SGCD: variants seen among roughly 807,000 people sequenced by gnomAD.
The protein encoded by SGCD is delta-sarcoglycan.
A neutral mutation model predicts 36.6 loss-of-function variants in SGCD; 18 were observed. The observed-to-expected ratio is 0.49, with a 90% CI of 0.34 to 0.73. The LOEUF is 0.73. SGCD is among the 30% of genes least tolerant of loss of function. The pLI is 0.01. For synonymous variants in SGCD, 133 were observed against 130.6 expected (o/e 1.02, Z -0.12); for missense variants, 387 against 346.7 (o/e 1.12, Z -0.92).
At chr5:156,299,996 C>T (rs1767010667) in intron 3 of SGCD, among the ~76,000 whole-genome samples, 1 of 151,904 alleles carries the variant, frequency 6.6e-6, no homozygotes, top group Admixed American at 6.6e-5. Context: ...AAGTGGGTAT[C>T]CTTGTCATGT....
At chr5:156,392,386 C>T (rs13170905) in intron 3 of SGCD, among the ~76,000 whole-genome samples, 1 of 152,140 alleles carries the variant, frequency 6.6e-6, no homozygotes. Context: ...CCTCTTAGGA[C>T]GTTCCATGAG....
intron 1 of SGCD, among the ~76,000 whole-genome samples, chr5:156,104,681 T>G (rs764578753): frequency 2.0e-5 from 3 of 152,214 alleles, no homozygotes; most frequent in Non-Finnish European, 2.9e-5. Context: ...AATCATAATG[T>G]GTCAGCAGTT....
chr5:155,778,340 C>G, the SGCD span, among the ~76,000 whole-genome samples: 1 of 152,122 alleles, frequency 6.6e-6, no homozygotes, highest in Non-Finnish European at 1.5e-5. Flanking sequence ...CTCTATTACA[C>G]TTAAATTGTT....
At chr5:155,987,645 A>T (rs549861101) in intron 1 of SGCD, among the ~76,000 whole-genome samples, 5 of 152,254 alleles carry the variant, frequency 3.3e-5, no homozygotes, top group Non-Finnish European at 7.4e-5. Flanking sequence ...TTTCAATTTT[A>T]CTGTCTGCCA....
chr5:156,396,739 C>T (rs1771871553), intron 3 of SGCD, among the ~76,000 whole-genome samples: 1 of 152,132 alleles, frequency 6.6e-6, no homozygotes, highest in Non-Finnish European at 1.5e-5. Context: ...GCTTACACTG[C>T]CTGACATCTT....
chr5:156,375,339 C>T (rs1293338188), intron 3 of SGCD, among the ~76,000 whole-genome samples: 1 of 150,746 alleles, frequency 6.6e-6, no homozygotes, highest in East Asian at 1.9e-4. Context: ...ATTCTATTAT[C>T]TGATCCACAG....
At chr5:156,131,400 A>G (rs987372624) in intron 3 of SGCD, among the ~76,000 whole-genome samples, 8 of 152,234 alleles carry the variant, frequency 5.3e-5, no homozygotes, top group African/African-American at 1.9e-4. Flanking sequence ...ATAACAAAGT[A>G]AGGATTAAAT....
chr5:156,135,252 T>A (rs1309878016), intron 3 of SGCD, among the ~76,000 whole-genome samples: 1 of 152,212 alleles, frequency 6.6e-6, no homozygotes, highest in Non-Finnish European at 1.5e-5. Context: ...CTGTCCTAAC[T>A]TTTCCATCTG....
At chr5:156,423,152 T>TA (rs1561685088) in intron 3 of SGCD, among the ~76,000 whole-genome samples, 14 of 80,516 alleles carry the variant, frequency 1.7e-4, no homozygotes, top group East Asian at 6.9e-4. Context: ...ATTTAATTAA[T>TA]TATTTAAATA....
At chr5:156,544,063 C>T (rs1254768675) in intron 4 of SGCD, among the ~76,000 whole-genome samples, 1 of 152,210 alleles carries the variant, frequency 6.6e-6, no homozygotes. Context: ...TGTTTATACA[C>T]AGAAGTGAGG....
At chr5:155,809,453 C>T in the SGCD span, among the ~76,000 whole-genome samples, 14 of 152,268 alleles carry the variant, frequency 9.2e-5, no homozygotes, top group South Asian at 4.1e-4. Context: ...TGAGTTATGT[C>T]GCCAGCTTTT....
chr5:156,346,720 G>T (rs1316474078), intron 3 of SGCD, among the ~76,000 whole-genome samples: 1 of 152,130 alleles, frequency 6.6e-6, no homozygotes, highest in Non-Finnish European at 1.5e-5. Context: ...GAGTATTAGA[G>T]CACATTAGCT....
intron 1 of SGCD, among the ~76,000 whole-genome samples, chr5:155,938,627 G>A (rs1006335759): frequency 2.6e-5 from 4 of 152,150 alleles, no homozygotes; most frequent in African/African-American, 9.7e-5. Flanking sequence ...TTTCCCATAA[G>A]CTAGTAGCTG....
At chr5:155,860,540 C>T in the SGCD span, among the ~76,000 whole-genome samples, 2 of 152,136 alleles carry the variant, frequency 1.3e-5, no homozygotes, top group African/African-American at 2.4e-5. Flanking sequence ...GATACTAAAA[C>T]AAGAAGGATG....
intron 7 of SGCD, among the ~76,000 whole-genome samples, chr5:156,734,002 C>T (rs1756218422): frequency 6.6e-6 from 1 of 151,962 alleles, no homozygotes; most frequent in Non-Finnish European, 1.5e-5. Flanking sequence ...TATGTGGTTG[C>T]TTTATATTGT....
At chr5:156,010,691 A>G (rs932143046) in intron 1 of SGCD, among the ~76,000 whole-genome samples, 16 of 152,226 alleles carry the variant, frequency 1.1e-4, no homozygotes, top group Non-Finnish European at 1.6e-4. Flanking sequence ...TCTTTGGCAC[A>G]AACTTGGAAT....
At chr5:155,989,147 G>A (rs1207071886) in intron 1 of SGCD, among the ~76,000 whole-genome samples, 2 of 152,172 alleles carry the variant, frequency 1.3e-5, no homozygotes, top group Non-Finnish European at 2.9e-5. Context: ...ACCCACTGAA[G>A]TTAGCTGCTA....
intron 3 of SGCD, among the ~76,000 whole-genome samples, chr5:156,177,664 C>T (rs1763506073): frequency 6.6e-6 from 1 of 152,078 alleles, no homozygotes; most frequent in African/African-American, 2.4e-5. Context: ...CATGAAATTA[C>T]CATTGAGATA....
intron 6 of SGCD, among the ~76,000 whole-genome samples, chr5:156,606,344 T>C (rs1431831512): frequency 6.6e-6 from 1 of 152,060 alleles, no homozygotes; most frequent in African/African-American, 2.4e-5. Context: ...ATGTCAAAGA[T>C]CAGATAGTTG....
Sources: gnomAD v4.1 joint callset for allele counts (sites outside exome capture counted in the v4.1 genomes callset) on GRCh38, gnomAD v4.1.1 for gene constraint, MANE v1.5 for transcripts, NCBI Gene and HGNC (gene_info 2026-07-23, HGNC 2026-07-21) for gene names.